Variants in WDR27 observed in about 807,000 individuals in gnomAD.
The protein encoded by WDR27 is WD repeat-containing protein 27.
In WDR27, 100 loss-of-function variants were observed where a neutral mutation model predicts 114.4. The observed-to-expected ratio is 0.87, with a 90% CI of 0.74 to 1.03. The LOEUF (loss-of-function observed/expected upper bound fraction) is 1.03, where lower values mean the gene tolerates loss of function less well. Ranked by LOEUF, WDR27 falls within the 50% of genes least tolerant of loss-of-function variation. WDR27 has a pLI of 0.00. For synonymous variants in WDR27, 449 were observed against 423.1 expected, an observed-to-expected ratio of 1.06 and a Z score of -0.75; for missense variants, 1,129 against 1,092.9, an observed-to-expected ratio of 1.03 and a Z score of -0.47.
intron 25 of WDR27, among the ~76,000 whole-genome samples, chr6:169,491,098 G>T (rs1180515729): frequency 6.6e-6 from 1 of 152,150 alleles, no homozygotes; most frequent in Non-Finnish European, 1.5e-5. Flanking sequence ...GGAGAGAAAA[G>T]ATACTAAAGA....
chr6:169,633,211 G>A (rs1270944531), intron 20 of WDR27, 143 bp from the exon 21 acceptor site: 7 of 979,082 alleles, frequency 7.1e-6, no homozygotes, highest in Non-Finnish European at 9.6e-6. Flanking sequence ...AAATGCCGCA[G>A]GAAAAGTCCT....
intron 1 of WDR27, among the ~76,000 whole-genome samples, chr6:169,697,116 TAC>T (rs1440087271): frequency 2.2e-4 from 33 of 152,244 alleles, no homozygotes; most frequent in Admixed American, 3.9e-4. Flanking sequence ...TAGATATGAT[TAC>T]ATATGAATAT....
At chr6:169,670,376 T>C (rs1318196007) in intron 4 of WDR27, 193 bp downstream of exon 4, 3 of 515,498 alleles carry the variant, frequency 5.8e-6, no homozygotes, top group Non-Finnish European at 9.9e-6. Flanking sequence ...TATATAAATA[T>C]TGCTATCTGA....
At chr6:169,629,664 G>T (rs2473448) in intron 21 of WDR27, among the ~76,000 whole-genome samples, 141,878 of 152,210 alleles carry the variant, frequency 0.93, 66,196 homozygotes, top group East Asian at 0.99. Context: ...CGGTGGCTCA[G>T]GCTTGTAATC....
At chr6:169,438,349 T>G in the WDR27 span, among the ~76,000 whole-genome samples, 1 of 150,666 alleles carries the variant, frequency 6.6e-6, no homozygotes, top group Middle Eastern at 3.2e-3. Context: ...GCCATTCTCC[T>G]GCCTCAGCCT....
In WDR27 at chr6:169,633,166, A is replaced by G. The variant is rs1584752143; in HGVS notation, c.2102-98T>C. ...CTAATAAAAACTTTGGAATATTAGA[A>G]GACTCATGAATGGATGACTAGTTAA... On this transcript the variant is annotated intron_variant, in intron 20 of 25. Transcript: ENST00000448612. 11 of 1,288,990 alleles carry G rather than the reference A, an allele frequency of 8.5e-6. No individual in the cohort carries two copies. In the East Asian group the frequency reaches 2.9e-4, roughly 34 times the overall value. 79.8% of individuals were successfully genotyped at this position (1,288,990 alleles called of 1,614,324 possible). A position where few individuals can be genotyped will look rare whatever the true frequency, so the allele number is the denominator to read the frequency against.
At chr6:169,493,435 C>T (rs1048765488) in intron 25 of WDR27, among the ~76,000 whole-genome samples, 3 of 152,236 alleles carry the variant, frequency 2.0e-5, no homozygotes, top group South Asian at 4.1e-4. Context: ...AGCATATATA[C>T]TACTGTCTCA....
intron 25 of WDR27, among the ~76,000 whole-genome samples, chr6:169,548,915 C>T (rs77538891): frequency 0.042 from 6,372 of 152,238 alleles, 364 homozygotes; most frequent in African/African-American, 0.13. Context: ...CATAACTGAT[C>T]ACAAACCTAA....
In WDR27 at chr6:169,655,991, C is replaced by T. The variant is rs569146777; in HGVS notation, c.1402+2285G>A. On this transcript the variant is annotated intron_variant, in intron 13 of 25. Transcript: ENST00000448612. ...CCTGCCTCGGCCTCCCAAAGTGCTG[C>T]GATTACAGGCGTGAGCCACTGCACC... Among the ~76,000 whole-genome samples the T allele has an allele frequency of 2.6e-3, 393 of 152,138 alleles. 2 individuals carry two copies. Among genetic ancestry groups the T allele is most frequent in the African/African-American group, 9.0e-3 (372 of 41,504 alleles).
At chr6:169,524,185 T>C (rs1025392888) in intron 25 of WDR27, among the ~76,000 whole-genome samples, 6 of 151,996 alleles carry the variant, frequency 3.9e-5, no homozygotes, top group African/African-American at 1.4e-4. Flanking sequence ...CCCATTACAA[T>C]AGCTACAAAG....
At chr6:169,649,969 A>C (rs1821861887) in intron 14 of WDR27, among the ~76,000 whole-genome samples, 2 of 111,768 alleles carry the variant, frequency 1.8e-5, no homozygotes, top group East Asian at 2.9e-4. Context: ...CCATCCATGC[A>C]CCCATGCATT....
At chr6:169,493,633 T>G (rs1790047408) in intron 25 of WDR27, among the ~76,000 whole-genome samples, 1 of 152,172 alleles carries the variant, frequency 6.6e-6, no homozygotes, top group Non-Finnish European at 1.5e-5. Context: ...TAATTGAATA[T>G]AAAGGAAAAT....
In WDR27 at chr6:169,553,786, C is replaced by T. The variant is rs115508159; in HGVS notation, c.2645+18633G>A. Among the ~76,000 whole-genome samples the T allele has an allele frequency of 5.5e-3, 838 of 152,254 alleles. 16 individuals carry two copies. The highest frequency in any genetic ancestry group is 0.019 in the African/African-American group (804 of 41,546). Reference sequence around the variant, plus strand: ...CTGAAAATACTCCCACAAATGGGGACGTTACCGTTCACATGTTCATAATAT... The same window carrying T: ...CTGAAAATACTCCCACAAATGGGGATGTTACCGTTCACATGTTCATAATAT... On this transcript the variant is annotated intron_variant, in intron 25 of 25. Coordinates refer to ENST00000448612, the MANE Select transcript of WDR27 (RefSeq NM_182552.5).
chr6:169,463,388 G>A (rs547409151), intron 25 of WDR27, among the ~76,000 whole-genome samples: 1 of 152,180 alleles, frequency 6.6e-6, no homozygotes, highest in Non-Finnish European at 1.5e-5. Flanking sequence ...GGAGGAGACA[G>A]ACATTCAAAC....
chr6:169,617,359 G>T (rs964983782), intron 21 of WDR27, among the ~76,000 whole-genome samples: 1 of 152,116 alleles, frequency 6.6e-6, no homozygotes, highest in African/African-American at 2.4e-5. Flanking sequence ...TGGTAGGCAG[G>T]GAAGGCTGGT....
In WDR27 at chr6:169,659,897, G is replaced by A. The variant is rs1459088301; in HGVS notation, c.1130-379C>T. ...GGGGAAGGAAAGGCTGAGTTTTCAAGGAGAAGCTGCGCCTGGCTGAGCTGG... is the reference window on the plus strand; with the variant it reads ...GGGGAAGGAAAGGCTGAGTTTTCAAAGAGAAGCTGCGCCTGGCTGAGCTGG... On this transcript the variant is annotated intron_variant, in intron 10 of 25. Transcript: ENST00000448612. This position sits in a 1 kb window ranked among gnomAD's most constrained non-coding sequence, Gnocchi z 4.3. Among the ~76,000 whole-genome samples the A allele has an allele frequency of 1.3e-5, 2 of 151,962 alleles. No individual in the cohort carries two copies. Among genetic ancestry groups the A allele is most frequent in the South Asian group, 2.1e-4 (1 of 4,810 alleles).
chr6:169,495,277 T>C (rs1191020843), intron 25 of WDR27, among the ~76,000 whole-genome samples: 2 of 152,120 alleles, frequency 1.3e-5, no homozygotes, highest in East Asian at 1.9e-4. Context: ...CGTTTCCTAA[T>C]ATATGAGACA....
chr6:169,437,547 CT>C, the WDR27 span, among the ~76,000 whole-genome samples: 1 of 151,932 alleles, frequency 6.6e-6, no homozygotes, highest in East Asian at 1.9e-4. Context: ...TAGAATTTTC[CT>C]TTTGAAGCTT....
intron 25 of WDR27, among the ~76,000 whole-genome samples, chr6:169,517,012 G>A (rs1793758550): frequency 6.6e-6 from 1 of 152,128 alleles, no homozygotes; most frequent in Non-Finnish European, 1.5e-5. Flanking sequence ...GGGGTAGAAT[G>A]ATGTAGTTTG....
Sources: gnomAD v4.1 joint callset for allele counts (sites outside exome capture counted in the v4.1 genomes callset) on GRCh38, gnomAD v4.1.1 for gene constraint, Gnocchi (gnomAD v3.1) non-coding constraint, MANE v1.5 for transcripts, NCBI Gene and HGNC (gene_info 2026-07-23, HGNC 2026-07-21) for gene names.